Variants in ETV7 observed in about 807,000 individuals in gnomAD.
ETV7 encodes the protein transcription factor ETV7.
A neutral mutation model predicts 39.1 loss-of-function variants in ETV7; 43 were observed. The observed-to-expected ratio is 1.10, with a 90% confidence interval of 0.86 to 1.42. ETV7 has a LOEUF of 1.42. ETV7 is among the 40% of genes most tolerant of loss of function. The pLI is 0.00. For missense variants in ETV7, 432 were observed against 442.3 expected, an observed-to-expected ratio of 0.98 and a Z score of 0.21; for synonymous variants, 196 against 176.6, an observed-to-expected ratio of 1.11 and a Z score of -0.87.
chr6:36,373,704 G>A (rs1450771517), intron 3 of ETV7, 126 bp from the exon 4 acceptor site: 4 of 1,090,662 alleles, frequency 3.7e-6, no homozygotes, highest in African/African-American at 1.7e-5. Context: ...TCATGCCGAT[G>A]GCAAAGGGGT....
At chr6:36,385,742 A>C (rs559262074) in intron 1 of ETV7, 73 bp from the exon 2 acceptor site, 4 of 1,517,528 alleles carry the variant, frequency 2.6e-6, no homozygotes, top group African/African-American at 2.8e-5. Context: ...AAATGTCTTA[A>C]GAATTTTTTT....
chr6:36,385,465 G>C, intron 2 of ETV7, 69 bp downstream of exon 2: 1 of 1,594,862 alleles, frequency 6.3e-7, no homozygotes, highest in Non-Finnish European at 8.6e-7. Context: ...AACAGAGCAA[G>C]ACCCTGGATC....
chr6:36,385,001 T>C (rs1157088639), intron 2 of ETV7, among the ~76,000 whole-genome samples: 5 of 152,124 alleles, frequency 3.3e-5, no homozygotes, highest in African/African-American at 1.2e-4. Flanking sequence ...ATAATAATTG[T>C]ATATATTTAT....
chr6:36,385,606 C>G lies in ETV7; in HGVS notation c.70G>C (p.Val24Leu). Residue 24 changes from valine to leucine, a missense_variant, in exon 2 of 8, where the codon GTG (valine) becomes CTG (leucine). Physicochemically the swap from Val to Leu is conservative, Grantham distance 32. Transcript: ENST00000340181. ...VAAMPPLGTH[V>L]QARCEAQINL... ...ATTTGAGCTTCACATCTGGCTTGCA[C>G]GTGGGTGCCTAGGGGAGGCATGGCT... The G allele has an allele frequency of 6.2e-7, 1 of 1,614,234 alleles. No homozygotes were observed. Among genetic ancestry groups the G allele is most frequent in the Non-Finnish European group, 8.5e-7 (1 of 1,180,040 alleles).
At chr6:36,380,194 C>A (rs1773584150) in intron 2 of ETV7, among the ~76,000 whole-genome samples, 2 of 152,278 alleles carry the variant, frequency 1.3e-5, no homozygotes, top group South Asian at 2.1e-4. Context: ...GCGTCAATCA[C>A]CCTCAAGAAG....
intron 2 of ETV7, among the ~76,000 whole-genome samples, chr6:36,381,236 G>A (rs190412385): frequency 1.4e-3 from 210 of 152,318 alleles, no homozygotes; most frequent in Non-Finnish European, 2.4e-3. Flanking sequence ...CATCATCTGA[G>A]GCTAGAGGCA....
At chr6:36,358,402 CA>C (rs1049768069) in intron 7 of ETV7, among the ~76,000 whole-genome samples, 2 of 152,182 alleles carry the variant, frequency 1.3e-5, no homozygotes, top group African/African-American at 4.8e-5. Context: ...GGTGGCCAAT[CA>C]AGACCCAGCT....
rs2127388144 is a variant in ETV7, at chr6:36,369,047, A to C, written c.689T>G (p.Val230Gly). ...TCGGGTATCAAGGAGCAGCTGATAC[A>C]CGTAATCCCACAGCAGGCGGCAGTC... is the stretch of plus-strand genomic sequence containing the variant. The part of the protein sequence containing the change: ...IADCRLLWDY[V>G]YQLLLDTRYE... Residue 230 changes from valine (V) to glycine (G), a missense_variant, in exon 6 of 8, where the codon GTG becomes GGG. Coordinates refer to ENST00000340181, the MANE Select transcript of ETV7 (RefSeq NM_016135.4). The C allele has an allele frequency of 6.2e-7, 1 of 1,614,180 alleles. No individual in the cohort carries two copies. Among genetic ancestry groups the C allele is most frequent in the East Asian group, 2.2e-5 (1 of 44,890 alleles).
rs560987582 is a variant in ETV7 at position 36,381,569 on chromosome 6, T to A, written c.142+3965A>T. On this transcript the variant is annotated intron_variant, in intron 2 of 7. Coordinates refer to ENST00000340181, the MANE Select transcript of ETV7 (RefSeq NM_016135.4). ...AGACTAGCTTGCTTCTCTGCCATGATGACTACGTTTTATCAATTATCATGT... is the reference window on the plus strand; with the variant it reads ...AGACTAGCTTGCTTCTCTGCCATGAAGACTACGTTTTATCAATTATCATGT... Among the ~76,000 whole-genome samples the A allele has an allele frequency of 8.5e-5, 13 of 152,324 alleles. No homozygotes were observed. The East Asian group carries it at 2.5e-3, about 29-fold the overall frequency.
intron 6 of ETV7, among the ~76,000 whole-genome samples, chr6:36,367,757 C>G (rs1463823822): frequency 1.3e-5 from 2 of 151,688 alleles, no homozygotes; most frequent in Non-Finnish European, 2.9e-5. Context: ...GGTGTGGCAT[C>G]AATTTAAGCC....
At chr6:36,372,778 T>G in intron 4 of ETV7, among the ~76,000 whole-genome samples, 1 of 136,454 alleles carries the variant, frequency 7.3e-6, no homozygotes, top group Non-Finnish European at 1.6e-5. Flanking sequence ...GATGCCCCAG[T>G]GGAGGGGTGG....
chr6:36,366,877 G>A lies in ETV7; in HGVS notation c.906C>T (p.Phe302=). 1.9e-6 allele frequency: 3 copies of A among 1,613,910 alleles called. No individual in the cohort carries two copies. Among genetic ancestry groups the A allele is most frequent in the Non-Finnish European group, 2.5e-6 (3 of 1,179,902 alleles). ...ACCACATCCCCTAGGCCACTCACCT[G>A]AACAGGAGTTTCTGCCCCGGTTCCT... ...IKKEPGQKLL[F]RFLKTPGKMV... is the part of the protein sequence containing the mutation. The change falls in exon 7 of 8, where the codon TTC becomes TTT. Residue 302 remains phenylalanine (F), a splice_region_variant and synonymous_variant. Coordinates refer to ENST00000340181, the MANE Select transcript of ETV7 (RefSeq NM_016135.4).
chr6:36,365,076 A>G (rs1351191618), downstream of ETV7, among the ~76,000 whole-genome samples: 1 of 152,152 alleles, frequency 6.6e-6, no homozygotes, highest in African/African-American at 2.4e-5. Flanking sequence ...GCCAGCAGAG[A>G]CGGGGATTTC....
chr6:36,369,906 T>TAA (rs10664403), intron 5 of ETV7, among the ~76,000 whole-genome samples: 30,957 of 146,032 alleles, frequency 0.21, 3,366 homozygotes, highest in Admixed American at 0.29. Flanking sequence ...CCCTGTCTCT[T>TAA]AAAAAAAAAA....
At chr6:36,358,223 A>C (rs375534809) in intron 7 of ETV7, among the ~76,000 whole-genome samples, 2 of 152,226 alleles carry the variant, frequency 1.3e-5, no homozygotes, top group Admixed American at 1.3e-4. Context: ...TGTCTTCCTC[A>C]CTTAAAAGCT....
chr6:36,373,688 A>T, intron 3 of ETV7, 110 bp from the exon 4 acceptor site: 1 of 1,287,728 alleles, frequency 7.8e-7, no homozygotes, highest in Non-Finnish European at 1.0e-6. Context: ...ATGTCTTGTC[A>T]CAGCTTCATG....
intron 6 of ETV7, among the ~76,000 whole-genome samples, chr6:36,367,340 G>C (rs1407969056): frequency 1.3e-5 from 2 of 152,128 alleles, no homozygotes; most frequent in Non-Finnish European, 2.9e-5. Context: ...CTACTCAGGA[G>C]GCTGAGGCAG....
intron 4 of ETV7, 41 bp downstream of exon 4, chr6:36,373,412 T>G: frequency 6.7e-7 from 1 of 1,487,448 alleles, no homozygotes; most frequent in South Asian, 1.4e-5. Flanking sequence ...GTGAGGCTGA[T>G]TTGAGGGAGG....
Position 36,371,410 on chromosome 6 carries a change from CA to C in ETV7, c.583del (p.Cys195ValfsTer78). 5 of 1,603,226 alleles carry C rather than the reference CA, an allele frequency of 3.1e-6. No individual in the cohort carries two copies. The highest frequency in any genetic ancestry group is 3.4e-6 in the Non-Finnish European group (4 of 1,174,262). ...CTGGGTCCTGCAGCCGAGCTCTGCACAGTGACATAAGTTGAGGGACTCCTCC... is the reference window on the plus strand; with the variant it reads ...CTGGGTCCTGCAGCCGAGCTCTGCACGTGACATAAGTTGAGGGACTCCTCC... The part of the protein sequence containing the change: ...GKEESLNLCH[C>X]AELGCRTQGV... On this transcript the variant is annotated frameshift_variant, in exon 5 of 8. Coordinates refer to ENST00000340181, the MANE Select transcript of ETV7 (RefSeq NM_016135.4). LOFTEE classifies it high-confidence loss of function.
Sources: gnomAD v4.1 joint callset for allele counts (sites outside exome capture counted in the v4.1 genomes callset) on GRCh38, gnomAD v4.1.1 for gene constraint, MANE v1.5 for transcripts, NCBI Gene and HGNC (gene_info 2026-07-23, HGNC 2026-07-21) for gene names.